HDAC9: variants seen among roughly 807,000 people sequenced by gnomAD.
HDAC9 encodes MEF-2 interacting transcription repressor (MITR) protein.
Under a neutral mutation model 139.4 loss-of-function variants are expected in HDAC9, and 41 were observed. The ratio of observed to expected loss-of-function variants is 0.29; its 90% CI spans 0.23 to 0.38. The LOEUF is 0.38. Among genes scored for constraint, HDAC9 ranks in the 10% least tolerant of loss-of-function variants. The pLI is 1.00. For synonymous variants in HDAC9, 517 were observed against 476.2 expected (o/e 1.09, Z -1.12); for missense variants, 1,147 against 1,297.0 (o/e 0.88, Z 1.78).
intron 22 of HDAC9, among the ~76,000 whole-genome samples, chr7:18,915,950 T>C (rs1803155885): frequency 6.6e-6 from 1 of 150,476 alleles, no homozygotes; most frequent in African/African-American, 2.4e-5. Context: ...CGAGAGTAGA[T>C]GTTAAGGCTT....
intron 14 of HDAC9, among the ~76,000 whole-genome samples, chr7:18,752,397 G>T (rs1022386411): frequency 4.6e-5 from 7 of 152,086 alleles, no homozygotes; most frequent in African/African-American, 1.7e-4. Context: ...TTGGGTCCCA[G>T]CTCAGGTGTG....
At chr7:18,666,648 T>G in intron 12 of HDAC9, 172 bp downstream of exon 12, 1 of 1,414,106 alleles carries the variant, frequency 7.1e-7, no homozygotes, top group Non-Finnish European at 9.3e-7. Flanking sequence ...TATATCTATA[T>G]AGAGGTCTTT....
chr7:18,558,027 C>T (rs1436855316), intron 2 of HDAC9, among the ~76,000 whole-genome samples: 1 of 152,038 alleles, frequency 6.6e-6, no homozygotes, highest in Admixed American at 6.6e-5. Flanking sequence ...ATTGGTTAGC[C>T]TTTGGGCCCC....
intron 1 of HDAC9, among the ~76,000 whole-genome samples, chr7:18,368,507 A>G (rs1020686602): frequency 6.6e-6 from 1 of 151,862 alleles, no homozygotes; most frequent in Admixed American, 6.6e-5. Context: ...CATGTACACT[A>G]TGTTTATAGA....
chr7:18,947,332 G>A (rs1383523187), intron 23 of HDAC9, among the ~76,000 whole-genome samples: 1 of 151,896 alleles, frequency 6.6e-6, no homozygotes, highest in Non-Finnish European at 1.5e-5. Context: ...TTTGAAATAA[G>A]TAGTAAAATT....
chr7:18,423,735 G>C (rs545228951), intron 1 of HDAC9, among the ~76,000 whole-genome samples: 1 of 152,296 alleles, frequency 6.6e-6, no homozygotes, highest in East Asian at 1.9e-4. Context: ...TGGATCCCAA[G>C]AGAGCAAAAG....
intron 8 of HDAC9, among the ~76,000 whole-genome samples, chr7:18,640,788 T>G (rs979956135): frequency 1.3e-5 from 2 of 152,000 alleles, no homozygotes; most frequent in Non-Finnish European, 2.9e-5. Context: ...TCCAATGGTG[T>G]GCTTTCAATC....
intron 22 of HDAC9, among the ~76,000 whole-genome samples, chr7:18,907,321 C>G (rs1299907262): frequency 6.6e-6 from 1 of 152,062 alleles, no homozygotes; most frequent in Admixed American, 6.5e-5. Flanking sequence ...GAACAATGCC[C>G]AGAACAACTG....
chr7:18,277,549 T>C (rs1038818263), intron 2 of HDAC9, among the ~76,000 whole-genome samples: 2 of 152,170 alleles, frequency 1.3e-5, no homozygotes, highest in African/African-American at 4.8e-5. Context: ...AACTTATAGT[T>C]CTTTTCTTCC....
chr7:18,852,093 T>C (rs1797342117), intron 21 of HDAC9, among the ~76,000 whole-genome samples: 1 of 152,156 alleles, frequency 6.6e-6, no homozygotes, highest in South Asian at 2.1e-4. Flanking sequence ...GTGTCTCAAT[T>C]TAGCCTTTGG....
At chr7:18,874,744 A>G in intron 22 of HDAC9, 148 bp downstream of exon 22, 2 of 588,100 alleles carry the variant, frequency 3.4e-6, no homozygotes, top group Non-Finnish European at 6.1e-6. Flanking sequence ...GCTCTGTCGG[A>G]TTCATGTTTC....
At chr7:18,210,610 A>G (rs890279059) in intron 2 of HDAC9, among the ~76,000 whole-genome samples, 13 of 152,162 alleles carry the variant, frequency 8.5e-5, no homozygotes, top group African/African-American at 3.1e-4. Flanking sequence ...TCAGAGAAGT[A>G]TTGTTTTTGT....
chr7:18,468,882 C>T (rs897459341), intron 1 of HDAC9, among the ~76,000 whole-genome samples: 1 of 152,140 alleles, frequency 6.6e-6, no homozygotes, highest in Non-Finnish European at 1.5e-5. Flanking sequence ...TAAGTACAAA[C>T]CAAGAGACAC....
intron 12 of HDAC9, among the ~76,000 whole-genome samples, chr7:18,723,547 T>C (rs1785295465): frequency 6.6e-6 from 1 of 152,216 alleles, no homozygotes; most frequent in Non-Finnish European, 1.5e-5. Context: ...GTTTCTTACT[T>C]ATATTGCCAT....
intron 1 of HDAC9, among the ~76,000 whole-genome samples, chr7:18,361,660 G>T (rs1783787492): frequency 6.6e-6 from 1 of 152,084 alleles, no homozygotes; most frequent in African/African-American, 2.4e-5. Flanking sequence ...CTGAGGGTTA[G>T]ATTTCTGTTG....
upstream of HDAC9, among the ~76,000 whole-genome samples, chr7:18,288,832 T>C (rs914693006): frequency 6.6e-6 from 1 of 152,034 alleles, no homozygotes; most frequent in African/African-American, 2.4e-5. Flanking sequence ...TGATGAAATA[T>C]GCTCCAGGAT....
At position 18,350,939 on chromosome 7, in the gene HDAC9, G is replaced by A. The variant is rs570773898; in HGVS notation, c.-42+60424G>A. Among the ~76,000 whole-genome samples the A allele has an allele frequency of 3.9e-5, 6 of 152,234 alleles. No homozygotes were observed. The South Asian group carries it at 6.2e-4, about 16-fold the overall frequency. ...CAGCCGCTGGGTAGCTGGTCGACCC[G>A]TGCTTGGTGCAAGAACATTGTTTTG... On this transcript the variant is annotated intron_variant, in intron 1 of 3. Coordinates refer to the HDAC9 transcript ENST00000413509.
At chr7:18,620,746 C>T (rs890212823) in intron 6 of HDAC9, among the ~76,000 whole-genome samples, 5 of 152,062 alleles carry the variant, frequency 3.3e-5, no homozygotes, top group Non-Finnish European at 5.9e-5. Context: ...CTAGACCATG[C>T]TCCTGTTACT....
chr7:18,660,553 T>G (rs948956908), intron 11 of HDAC9, among the ~76,000 whole-genome samples: 1 of 152,150 alleles, frequency 6.6e-6, no homozygotes, highest in African/African-American at 2.4e-5. Context: ...GAAAAACATA[T>G]AGCTTATGCC....
Sources: allele counts gnomAD v4.1 joint callset (sites outside exome capture counted in the v4.1 genomes callset), GRCh38; gene constraint gnomAD v4.1.1; transcripts MANE v1.5; gene names NCBI Gene and HGNC (gene_info 2026-07-23, HGNC 2026-07-21).